The following ADA variants were observed in gnomAD, a reference collection of about 807,000 sequenced individuals.
The protein encoded by ADA is adenosine aminohydrolase.
In ADA, 45 loss-of-function variants were observed where a neutral mutation model predicts 49.0. The ratio of observed to expected loss-of-function variants is 0.92; its 90% CI spans 0.72 to 1.18. The LOEUF is 1.18. Ranked by LOEUF, ADA falls within the 50% of genes most tolerant of loss-of-function variation. ADA has a pLI of 0.00. For synonymous variants in ADA, 173 were observed against 184.2 expected, an observed-to-expected ratio of 0.94 and a Z score of 0.49; for missense variants, 445 against 472.5, an observed-to-expected ratio of 0.94 and a Z score of 0.54.
Position 44,624,319 on chromosome 20 carries a change from G to A in ADA, c.489C>T (p.Pro163=). 1 of 1,613,592 alleles carries A rather than the reference G, an allele frequency of 6.2e-7. No individual in the cohort carries two copies. Among genetic ancestry groups the A allele is most frequent in the Non-Finnish European group, 8.5e-7 (1 of 1,179,870 alleles). The change falls in exon 6 of 12, where the codon CCC becomes CCT. Residue 163 remains proline, a synonymous_variant. Transcript: ENST00000372874. ...ACTTCTTACACAGCTCCACCACCTT[G>A]GGGGACCAGTCTGTGGGCGAGATGC... ...CCMRHQPNWS[P]KVVELCKKYQ...
chr20:44,642,459 T>TC (rs1416820791), intron 1 of ADA, among the ~76,000 whole-genome samples: 1 of 152,020 alleles, frequency 6.6e-6, no homozygotes, highest in Non-Finnish European at 1.5e-5. Flanking sequence ...AAGGGGGAGT[T>TC]CGCCAGGGAG....
intron 10 of ADA, 77 bp from the exon 11 acceptor site, chr20:44,620,478 A>G: frequency 8.1e-7 from 1 of 1,227,048 alleles, no homozygotes; most frequent in Non-Finnish European, 1.2e-6. Context: ...GTGATAGTCC[A>G]TCCTCTTCAC....
In ADA at chr20:44,620,181, G is replaced by A. The variant is rs2065314641; in HGVS notation, c.1078+118C>T. The A allele has an allele frequency of 1.9e-5, 18 of 946,020 alleles. No homozygotes were observed. The Admixed American group carries it at 3.1e-4, about 16-fold the overall frequency. The allele number at this position is 946,020 out of a possible 1,614,324, so 58.6% of individuals were successfully genotyped here. On this transcript the variant is annotated intron_variant, in intron 11 of 11. Transcript: ENST00000372874. ...CCAGCCAGGGCCCAGAAACCAGGGA[G>A]TCATCACACATTCATGGCGCTGCCC...
At chr20:44,640,367 T>C (rs905483593) in intron 1 of ADA, among the ~76,000 whole-genome samples, 3 of 151,528 alleles carry the variant, frequency 2.0e-5, no homozygotes, top group African/African-American at 4.9e-5. Context: ...TGAGCCGAGA[T>C]TGAGCCACTA....
At chr20:44,643,888 A>G (rs74606183) in intron 1 of ADA, among the ~76,000 whole-genome samples, 4,736 of 152,172 alleles carry the variant, frequency 0.031, 77 homozygotes, top group Non-Finnish European at 0.034. Context: ...CCCTCGGGAA[A>G]TGCACTAAGT....
Position 44,636,236 on chromosome 20 carries a change from T to C in ADA, c.86A>G (p.Tyr29Cys), listed in dbSNP as rs746622099. The change falls in exon 2 of 12, where the codon TAC becomes TGC. Residue 29 changes from tyrosine to cysteine, a missense_variant. Tyr to Cys is a radical substitution (Grantham distance 194). Transcript: ENST00000372874. ...TTCTGTATGGACTTACCTGCCATAG[T>C]ATAAGATGGTTTCAGGCTTGATGGA... Reference protein sequence around the residue: ...DGSIKPETILYYGRRRGIALP... With the variant: ...DGSIKPETILCYGRRRGIALP... The C allele has an allele frequency of 2.5e-6, 4 of 1,610,332 alleles. No individual in the cohort carries two copies. Among genetic ancestry groups the C allele is most frequent in the Non-Finnish European group, 3.4e-6 (4 of 1,178,204 alleles).
chr20:44,651,433 A>G (rs910213016), intron 1 of ADA, 142 bp downstream of exon 1: 1 of 862,526 alleles, frequency 1.2e-6, no homozygotes, highest in Non-Finnish European at 1.8e-6. Flanking sequence ...CAAGCAAGCC[A>G]CGGCCTAAGC....
chr20:44,621,130 G>A lies in ADA; in HGVS notation c.863C>T (p.Ala288Val), dbSNP rs1464247052. Residue 288 changes from alanine to valine, a missense_variant, in exon 10 of 12, where the codon GCT becomes GTT. Ala to Val is a moderately conservative substitution (Grantham distance 64). Transcript: ENST00000372874. ...HAVIRLKNDQ[A>V]NYSLNTDDPL... ...GTCATCTGTGTTGAGCGAGTAGTTAGCCTGGTCATTTTTGAGCCTGCAGAA... is the reference window on the plus strand; with the variant it reads ...GTCATCTGTGTTGAGCGAGTAGTTAACCTGGTCATTTTTGAGCCTGCAGAA... The A allele has an allele frequency of 1.2e-6, 2 of 1,614,174 alleles. No homozygotes were observed. Among genetic ancestry groups the A allele is most frequent in the Admixed American group, 3.3e-5 (2 of 60,024 alleles).
intron 5 of ADA, 39 bp from the exon 6 acceptor site, chr20:44,624,368 C>A (rs755384354): frequency 6.2e-7 from 1 of 1,611,196 alleles, no homozygotes; most frequent in Non-Finnish European, 8.5e-7. Flanking sequence ...GTCACCAGCA[C>A]CATGGAGAGA....
At chr20:44,644,097 C>T (rs2065564958) in intron 1 of ADA, among the ~76,000 whole-genome samples, 1 of 142,980 alleles carries the variant, frequency 7.0e-6, no homozygotes, top group African/African-American at 2.5e-5. Context: ...CCAAGGCAAA[C>T]CTAGTCAGAT....
At chr20:44,633,305 G>A (rs554575203) in intron 2 of ADA, among the ~76,000 whole-genome samples, 1 of 152,344 alleles carries the variant, frequency 6.6e-6, no homozygotes, top group East Asian at 1.9e-4. Context: ...AGCAGACTCT[G>A]AAGCCCAGTG....
At chr20:44,644,269 C>T (rs893872960) in intron 1 of ADA, among the ~76,000 whole-genome samples, 5 of 152,048 alleles carry the variant, frequency 3.3e-5, no homozygotes, top group African/African-American at 1.2e-4. Context: ...TGTCTGTCTC[C>T]CTCATGAGCC....
Position 44,651,589 on chromosome 20 carries a change from A to G in ADA, c.19T>C (p.Phe7Leu). 2.6e-6 allele frequency: 4 copies of G among 1,540,646 alleles called. No homozygotes were observed. The highest frequency in any genetic ancestry group is 3.5e-6 in the Non-Finnish European group (4 of 1,150,970). The change falls in exon 1 of 12, where the codon TTC (phenylalanine) becomes CTC (leucine). Residue 7 changes from phenylalanine (F) to leucine (L), a missense_variant. Coordinates refer to ENST00000372874, the MANE Select transcript of ADA (RefSeq NM_000022.4). MAQTPAFDKPKVELHVH... is the reference protein window; with the variant it reads MAQTPALDKPKVELHVH... ...CGCGCGCTCACTTTGGGCTTGTCGA[A>G]GGCGGGCGTCTGGGCCATGGTGCCC...
chr20:44,643,653 C>T lies in ADA; in HGVS notation c.34-7365G>A, dbSNP rs553445008. Among the ~76,000 whole-genome samples the T allele has an allele frequency of 2.0e-5, 3 of 152,260 alleles. No homozygotes were observed. The South Asian group carries it at 6.2e-4, about 32-fold the overall frequency. ...CCAAGCCCTGCCCACAGGCCACACCCCCTCCCTGGCACTCATGTCGAGACA... is the reference window on the plus strand; with the variant it reads ...CCAAGCCCTGCCCACAGGCCACACCTCCTCCCTGGCACTCATGTCGAGACA... On this transcript the variant is annotated intron_variant, in intron 1 of 11. Transcript: ENST00000372874.
intron 1 of ADA, among the ~76,000 whole-genome samples, chr20:44,648,898 G>A (rs192335432): frequency 3.3e-5 from 5 of 152,174 alleles, no homozygotes; most frequent in Non-Finnish European, 4.4e-5. Flanking sequence ...AGTTTGAAAA[G>A]CGCTGCCCTG....
intron 6 of ADA, among the ~76,000 whole-genome samples, chr20:44,623,773 G>C (rs1255569907): frequency 7.1e-6 from 1 of 141,156 alleles, no homozygotes; most frequent in African/African-American, 2.7e-5. Context: ...TTTGAGACAG[G>C]GTCTCCCTCT....
At chr20:44,622,375 G>T (rs1279302954) in intron 9 of ADA, among the ~76,000 whole-genome samples, 1 of 152,224 alleles carries the variant, frequency 6.6e-6, no homozygotes, top group Non-Finnish European at 1.5e-5. Flanking sequence ...AGCTCTGCTG[G>T]TTAGCAGCTG....
intron 1 of ADA, 51 bp downstream of exon 1, chr20:44,651,524 G>C: frequency 6.6e-7 from 1 of 1,514,936 alleles, no homozygotes; most frequent in South Asian, 1.2e-5. Context: ...TAAGCCCCTC[G>C]GGCCGCCCAG....
At chr20:44,631,438 GCCTTGCC>G (rs2065432303) in intron 2 of ADA, among the ~76,000 whole-genome samples, 2 of 152,100 alleles carry the variant, frequency 1.3e-5, no homozygotes, top group Admixed American at 1.3e-4. Context: ...CCCTCACAAG[GCCTTGCC>G]CAGTAACTGT....
Sources: gnomAD v4.1 joint callset for allele counts (sites outside exome capture counted in the v4.1 genomes callset) on GRCh38, gnomAD v4.1.1 for gene constraint, MANE v1.5 for transcripts, NCBI Gene and HGNC (gene_info 2026-07-23, HGNC 2026-07-21) for gene names.